The following GAB3 variants were observed in gnomAD, a reference collection of about 807,000 sequenced individuals.
GAB3 encodes GRB2-associated-binding protein 3.
Under a neutral mutation model 40.4 loss-of-function variants are expected in GAB3, and 12 were observed. That is an observed-to-expected ratio of 0.30 (90% confidence interval 0.19 to 0.48). The LOEUF (loss-of-function observed/expected upper bound fraction) is 0.48, where lower values mean the gene tolerates loss of function less well. Among genes scored for constraint, GAB3 ranks in the 20% least tolerant of loss-of-function variants. The pLI, the probability that GAB3 is intolerant of heterozygous loss-of-function variation, is 0.99. For synonymous variants in GAB3, 154 were observed against 176.7 expected (o/e 0.87, Z 1.02); for missense variants, 381 against 461.9 (o/e 0.82, Z 1.61).
intron 4 of GAB3, among the ~76,000 whole-genome samples, chrX:154,708,249 T>C (rs1557254236): frequency 8.9e-6 from 1 of 112,366 alleles, no homozygotes; most frequent in Non-Finnish European, 1.9e-5. Context: ...GACTTCAATC[T>C]AAAATCTAAA....
chrX:154,747,974 C>T (rs1264380477), intron 1 of GAB3, among the ~76,000 whole-genome samples: 1 of 112,028 alleles, frequency 8.9e-6, no homozygotes, highest in Non-Finnish European at 1.9e-5. Context: ...CAGTGCCTGG[C>T]TCTTGGCATT....
chrX:154,715,349 T>C (rs2071029124), intron 2 of GAB3, among the ~76,000 whole-genome samples: 1 of 111,018 alleles, frequency 9.0e-6, no homozygotes. Flanking sequence ...AAGTTAATTG[T>C]AACCCTAGGT....
chrX:154,698,673 C>G (rs781858920), intron 6 of GAB3, among the ~76,000 whole-genome samples: 18 of 112,063 alleles, frequency 1.6e-4, no homozygotes, highest in African/African-American at 5.8e-4. Flanking sequence ...CCCTCTTTTC[C>G]TATCTATCTC....
intron 1 of GAB3, among the ~76,000 whole-genome samples, chrX:154,720,740 C>T (rs1307429836): frequency 9.0e-6 from 1 of 111,259 alleles, no homozygotes; most frequent in African/African-American, 3.3e-5. Context: ...CAAGCATTAT[C>T]CAACCTTTCC....
At chrX:154,689,952 T>C (rs1557248895) in intron 8 of GAB3, among the ~76,000 whole-genome samples, 1 of 108,883 alleles carries the variant, frequency 9.2e-6, no homozygotes, top group African/African-American at 3.3e-5. Flanking sequence ...AGAGCCTGCA[T>C]CGCCAAGTCA....
At chrX:154,749,965 C>T (rs781830655) in intron 1 of GAB3, among the ~76,000 whole-genome samples, 1 of 113,229 alleles carries the variant, frequency 8.8e-6, no homozygotes, top group East Asian at 2.8e-4. Flanking sequence ...ACTGTATAGA[C>T]AAGAGCACAA....
intron 2 of GAB3, among the ~76,000 whole-genome samples, chrX:154,715,160 G>A (rs2148459540): frequency 8.9e-6 from 1 of 111,839 alleles, no homozygotes; most frequent in African/African-American, 3.3e-5. Context: ...AGTGGCAGAT[G>A]GTGGAAACCA....
intron 2 of GAB3, among the ~76,000 whole-genome samples, chrX:154,713,986 A>G (rs2071006008): frequency 9.3e-6 from 1 of 107,112 alleles, no homozygotes; most frequent in Non-Finnish European, 1.9e-5. Context: ...GAGAAGACAG[A>G]CAAATAACAC....
At chrX:154,719,720 G>A (rs1557258341) in intron 1 of GAB3, among the ~76,000 whole-genome samples, 7 of 111,637 alleles carry the variant, frequency 6.3e-5, no homozygotes, top group Admixed American at 5.7e-4. Flanking sequence ...GGTGTTCTTG[G>A]AGCTCTTTGC....
upstream of GAB3, among the ~76,000 whole-genome samples, chrX:154,751,295 T>TG (rs2071614508): frequency 3.3e-5 from 2 of 59,898 alleles, no homozygotes; most frequent in African/African-American, 6.5e-5. Context: ...GGGGGGGGGG[T>TG]GTGGGGGGGG....
chrX:154,739,912 G>C (rs1211611940), intron 1 of GAB3, among the ~76,000 whole-genome samples: 3 of 111,824 alleles, frequency 2.7e-5, no homozygotes, highest in African/African-American at 9.7e-5. Flanking sequence ...AATATAAATG[G>C]CTTTTATACT....
chrX:154,677,310 C>G lies in GAB3; in HGVS notation c.*868G>C, dbSNP rs1280637242. 2 of 111,787 alleles carry G rather than the reference C, an allele frequency of 1.8e-5. No homozygotes were observed. Among genetic ancestry groups the G allele is most frequent in the Non-Finnish European group, 3.8e-5 (2 of 53,103 alleles). 9.2% of individuals were successfully genotyped at this position (111,787 alleles called of 1,213,427 possible). ...GTGTTTCCCACATGTCTCCAAGGCTCACCCAATTAATCCATTTTGTCAAAA... is the reference window on the plus strand; with the variant it reads ...GTGTTTCCCACATGTCTCCAAGGCTGACCCAATTAATCCATTTTGTCAAAA... On this transcript the variant is annotated 3_prime_UTR_variant, in exon 10 of 10. Coordinates refer to ENST00000424127, the MANE Select transcript of GAB3 (RefSeq NM_001081573.3).
chrX:154,708,477 A>G (rs1557254308), intron 4 of GAB3, among the ~76,000 whole-genome samples: 1 of 112,478 alleles, frequency 8.9e-6, no homozygotes, highest in Non-Finnish European at 1.9e-5. Flanking sequence ...TGCAAATCAT[A>G]TAAAAGGGGT....
chrX:154,738,605 C>G (rs1557260825), intron 1 of GAB3, among the ~76,000 whole-genome samples: 1 of 111,608 alleles, frequency 9.0e-6, no homozygotes, highest in East Asian at 2.8e-4. Context: ...GGCTAATCAC[C>G]CTTCTCCTCG....
chrX:154,737,747 C>G (rs1292514483), intron 1 of GAB3, among the ~76,000 whole-genome samples: 1 of 112,214 alleles, frequency 8.9e-6, no homozygotes, highest in Non-Finnish European at 1.9e-5. Flanking sequence ...GTAATCCCAG[C>G]ACTTTGGGAG....
intron 1 of GAB3, among the ~76,000 whole-genome samples, chrX:154,726,019 C>T (rs2071207806): frequency 9.0e-6 from 1 of 111,236 alleles, no homozygotes; most frequent in South Asian, 3.8e-4. Flanking sequence ...AGCAGACACT[C>T]AACAATATAA....
chrX:154,695,338 T>C (rs1393600112), intron 8 of GAB3, among the ~76,000 whole-genome samples: 1 of 111,713 alleles, frequency 9.0e-6, no homozygotes, highest in East Asian at 2.8e-4. Context: ...ACATCAGGAC[T>C]CTTTAACTGC....
chrX:154,683,511 G>A (rs1458325279), intron 8 of GAB3, among the ~76,000 whole-genome samples: 4 of 111,984 alleles, frequency 3.6e-5, no homozygotes, highest in Admixed American at 9.5e-5. Flanking sequence ...GGGATGGAAA[G>A]TCACAGTGTT....
intron 1 of GAB3, among the ~76,000 whole-genome samples, chrX:154,744,734 T>C (rs1468155195): frequency 8.9e-6 from 1 of 112,379 alleles, no homozygotes; most frequent in Non-Finnish European, 1.9e-5. Context: ...GACAGAAGAA[T>C]ACATATTTTT....
Sources: gnomAD v4.1 joint callset for allele counts (sites outside exome capture counted in the v4.1 genomes callset) on GRCh38, gnomAD v4.1.1 for gene constraint, MANE v1.5 for transcripts, NCBI Gene and HGNC (gene_info 2026-07-23, HGNC 2026-07-21) for gene names.